ZNF652: variants seen among roughly 807,000 people sequenced by gnomAD.
ZNF652 encodes the protein zinc finger protein 652.
Under a neutral mutation model 45.2 loss-of-function variants are expected in ZNF652, and 16 were observed. That is an observed-to-expected ratio of 0.35 (90% CI 0.24 to 0.54). The LOEUF is 0.54. Among genes scored for constraint, ZNF652 ranks in the 20% least tolerant of loss-of-function variants. The probability of loss-of-function intolerance (pLI) is 0.91; values close to 1 mark genes in which losing one functional copy is unlikely to be tolerated. For missense variants in ZNF652, 614 were observed against 765.6 expected (o/e 0.80, Z 2.34); for synonymous variants, 250 against 260.6 (o/e 0.96, Z 0.39).
At position 49,335,186 on chromosome 17, in the gene ZNF652, G is replaced by A. The variant is rs552855635; in HGVS notation, c.-258-17203C>T. Among the ~76,000 whole-genome samples, 40 of 152,266 alleles carry A rather than the reference G, an allele frequency of 2.6e-4. 2 individuals are homozygous for A. The South Asian group carries it at 8.1e-3, about 31-fold the overall frequency. ...GATATAAATAGTTCAAAGGTGATCT[G>A]AAGTAATAAGATCATGTGAAAATAA... is the stretch of plus-strand genomic sequence containing the variant. On this transcript the variant is annotated intron_variant, in intron 1 of 5. Coordinates refer to ENST00000430262, the MANE Select transcript of ZNF652 (RefSeq NM_001145365.3).
intron 5 of ZNF652, among the ~76,000 whole-genome samples, chr17:49,299,442 G>A (rs750513076): frequency 3.9e-5 from 6 of 152,036 alleles, no homozygotes; most frequent in Non-Finnish European, 8.8e-5. Context: ...GTGCGATGGT[G>A]CAATCTTGGC....
At chr17:49,313,867 G>GC (rs1350093439) in intron 2 of ZNF652, among the ~76,000 whole-genome samples, 11 of 149,754 alleles carry the variant, frequency 7.3e-5, no homozygotes, top group Non-Finnish European at 1.5e-4. Context: ...CAGCTACTCA[G>GC]GAGGCTGAGG....
At chr17:49,351,337 T>C (rs2070281154) in intron 1 of ZNF652, among the ~76,000 whole-genome samples, 1 of 152,056 alleles carries the variant, frequency 6.6e-6, no homozygotes, top group Non-Finnish European at 1.5e-5. Context: ...TTTTTGGATG[T>C]AGCCATTGAA....
intron 1 of ZNF652, among the ~76,000 whole-genome samples, chr17:49,351,020 C>T (rs201869305): frequency 0.15 from 10,084 of 67,130 alleles, 1,135 homozygotes; most frequent in African/African-American, 0.17. Flanking sequence ...TATATACACA[C>T]ACACACACAC....
In ZNF652 at chr17:49,291,815, TAACAC is replaced by T. The variant is rs1276463953; in HGVS notation, c.*6593_*6597del. 1 of 152,194 alleles carries T rather than the reference TAACAC, an allele frequency of 6.6e-6. No individual in the cohort carries two copies. The highest frequency in any genetic ancestry group is 2.4e-5 in the African/African-American group (1 of 41,444). The allele number at this position is 152,194 out of a possible 1,614,324, so 9.4% of individuals were successfully genotyped here. A position where few individuals can be genotyped will look rare whatever the true frequency, so the allele number is the denominator to read the frequency against. ...CATGGCAAATCAAGTGAAAGGTAAT[TAACAC>T]AACAAGAAACCCGTTACTGATTTCT... On this transcript the variant is annotated 3_prime_UTR_variant, in exon 6 of 6. Coordinates refer to ENST00000430262, the MANE Select transcript of ZNF652 (RefSeq NM_001145365.3).
intron 1 of ZNF652, among the ~76,000 whole-genome samples, chr17:49,328,672 G>A (rs2069992323): frequency 6.6e-6 from 1 of 152,190 alleles, no homozygotes; most frequent in African/African-American, 2.4e-5. Flanking sequence ...ATTCTGCCAT[G>A]ATTGTACACT....
rs192193747 is a variant in ZNF652 at position 49,331,841 on chromosome 17, T to C, written c.-258-13858A>G. Among the ~76,000 whole-genome samples the C allele has an allele frequency of 7.7e-3, 1,180 of 152,262 alleles. 22 individuals carry two copies. The highest frequency in any genetic ancestry group is 0.025 in the African/African-American group (1,032 of 41,560). ...AAAATTAGCCATGCATGGTAGTGCA[T>C]GCCTGTAGTCCCAGCTATTTGGGAG... On this transcript the variant is annotated intron_variant, in intron 1 of 5. Coordinates refer to ENST00000430262, the MANE Select transcript of ZNF652 (RefSeq NM_001145365.3).
intron 5 of ZNF652, among the ~76,000 whole-genome samples, chr17:49,307,657 CAGG>C (rs759118393): frequency 1.7e-4 from 26 of 151,314 alleles, no homozygotes; most frequent in Non-Finnish European, 3.2e-4. Flanking sequence ...GAGGTTGAAG[CAGG>C]AGAATCGCTT....
In ZNF652 at chr17:49,312,014, G is replaced by T; in HGVS notation, c.1077C>A (p.Cys359Ter). The T allele has an allele frequency of 1.2e-6, 2 of 1,613,762 alleles. No homozygotes were observed. Among genetic ancestry groups the T allele is most frequent in the Non-Finnish European group, 1.7e-6 (2 of 1,179,722 alleles). Residue 359 changes from cysteine (C) to a stop codon, truncating the protein, a stop_gained, in exon 4 of 6, where the codon TGC becomes TGA. Coordinates refer to ENST00000430262, the MANE Select transcript of ZNF652 (RefSeq NM_001145365.3). LOFTEE classifies it high-confidence loss of function. ...VAHTKDMPFTCETCGKSFKRS... is the reference protein window; with the variant it reads ...VAHTKDMPFT ...GTTTGAATGATTTTCCACAGGTTTC[G>T]CATGTAAATGGCATGTCTTTTGTGT...
rs536301614 is a variant in ZNF652, at chr17:49,302,276, A to G, written c.1310-3352T>C. 4.0e-5 allele frequency among the ~76,000 whole-genome samples: 6 copies of G among 149,528 alleles called. No individual in the cohort carries two copies. In the South Asian group the frequency reaches 1.3e-3, roughly 33 times the overall value. ...GTCAGAACAACAACAACAACGTTAT[A>G]AAGTATAGAAATGTAATTTTTTTTT... On this transcript the variant is annotated intron_variant, in intron 5 of 5. Coordinates refer to ENST00000430262, the MANE Select transcript of ZNF652 (RefSeq NM_001145365.3).
chr17:49,356,702 C>A (rs575245151), intron 1 of ZNF652, among the ~76,000 whole-genome samples: 20 of 152,114 alleles, frequency 1.3e-4, no homozygotes, highest in African/African-American at 4.6e-4. Context: ...ACTGAGTCCA[C>A]TGATGGGCAA....
intron 1 of ZNF652, among the ~76,000 whole-genome samples, chr17:49,332,640 G>A (rs932366660): frequency 1.3e-5 from 2 of 152,092 alleles, no homozygotes; most frequent in African/African-American, 2.4e-5. Context: ...ACCTTTCCTT[G>A]TGATATATAT....
chr17:49,328,278 G>C (rs985747251), intron 1 of ZNF652, among the ~76,000 whole-genome samples: 1 of 152,020 alleles, frequency 6.6e-6, no homozygotes, highest in African/African-American at 2.4e-5. Context: ...AGGACAAGCA[G>C]AAGTCAGATG....
At chr17:49,355,938 T>TA (rs2070331638) in intron 1 of ZNF652, among the ~76,000 whole-genome samples, 1 of 152,030 alleles carries the variant, frequency 6.6e-6, no homozygotes, top group South Asian at 2.1e-4. Flanking sequence ...CTTCAAGTGT[T>TA]ATAATCATTT....
At chr17:49,329,887 A>G (rs2070004870) in intron 1 of ZNF652, among the ~76,000 whole-genome samples, 1 of 152,234 alleles carries the variant, frequency 6.6e-6, no homozygotes, top group Non-Finnish European at 1.5e-5. Flanking sequence ...ACTAATGTGC[A>G]TTAGTCATTA....
rs1206745720 is a variant in ZNF652 at position 49,290,208 on chromosome 17, A to T, written c.*8205T>A. The T allele has an allele frequency of 4.6e-5, 7 of 152,252 alleles. No individual in the cohort carries two copies. The East Asian group carries it at 1.3e-3, about 29-fold the overall frequency. 9.4% of individuals were successfully genotyped at this position (152,252 alleles called of 1,614,324 possible). ...AGAAATCAGTTAAGAAGGCCATTCC[A>T]GGTGTAAATGCCTCCCGGCTCTACA... On this transcript the variant is annotated 3_prime_UTR_variant, in exon 6 of 6. Transcript: ENST00000430262.
intron 1 of ZNF652, among the ~76,000 whole-genome samples, chr17:49,351,014 T>TATATATACAC (rs2070273379): frequency 4.7e-4 from 14 of 29,700 alleles, no homozygotes; most frequent in Admixed American, 7.0e-4. Flanking sequence ...TATATATATA[T>TATATATACAC]ACACACACAC....
At chr17:49,362,406 G>A (rs2070412084), upstream of ZNF652, 1 of 151,556 alleles carries the variant, frequency 6.6e-6, no homozygotes, top group African/African-American at 2.4e-5. Context: ...GGCCGGCCCG[G>A]GCGCACCTTT....
At chr17:49,355,580 TA>T (rs898462357) in intron 1 of ZNF652, among the ~76,000 whole-genome samples, 1 of 150,930 alleles carries the variant, frequency 6.6e-6, no homozygotes, top group Non-Finnish European at 1.5e-5. Context: ...CTGTCTCAAA[TA>T]AAAAAAATAA....
Sources: gnomAD v4.1 joint callset for allele counts (sites outside exome capture counted in the v4.1 genomes callset) on GRCh38, gnomAD v4.1.1 for gene constraint, MANE v1.5 for transcripts, NCBI Gene and HGNC (gene_info 2026-07-23, HGNC 2026-07-21) for gene names.